RARB: variants seen among roughly 807,000 people sequenced by gnomAD.
RARB encodes retinoic acid receptor beta, also known as HBV-activated protein.
Under a neutral mutation model 51.9 loss-of-function variants are expected in RARB, and 17 were observed. That is an observed-to-expected ratio of 0.33 (90% CI 0.22 to 0.49). RARB has a LOEUF of 0.49. Among genes scored for constraint, RARB ranks in the 20% least tolerant of loss-of-function variants. The probability of loss-of-function intolerance (pLI) is 0.99; values close to 1 mark genes in which losing one functional copy is unlikely to be tolerated. For synonymous variants in RARB, 215 were observed against 195.4 expected, an observed-to-expected ratio of 1.10 and a Z score of -0.84; for missense variants, 369 against 550.8, an observed-to-expected ratio of 0.67 and a Z score of 3.30.
chr3:24,911,225 C>T (rs762032497), intron 2 of RARB, among the ~76,000 whole-genome samples: 1 of 152,096 alleles, frequency 6.6e-6, no homozygotes, highest in African/African-American at 2.4e-5. Context: ...AGCTGTAGTA[C>T]TCAGTAAAAG....
chr3:25,170,918 T>A (rs1700633521), intron 4 of RARB, among the ~76,000 whole-genome samples: 1 of 152,220 alleles, frequency 6.6e-6, no homozygotes, highest in African/African-American at 2.4e-5. Context: ...TTCAAGTGGT[T>A]GACCAATCAT....
intron 1 of RARB, among the ~76,000 whole-genome samples, chr3:25,431,836 A>C (rs1040613193): frequency 6.6e-6 from 1 of 152,186 alleles, no homozygotes; most frequent in Non-Finnish European, 1.5e-5. Context: ...GAATGAGAAA[A>C]GGCCTCTTTT....
intron 4 of RARB, among the ~76,000 whole-genome samples, chr3:25,168,009 T>A (rs1010258969): frequency 2.0e-5 from 3 of 152,186 alleles, no homozygotes; most frequent in South Asian, 2.1e-4. Context: ...TTTTATGAAA[T>A]TCACTCATTT....
chr3:25,127,463 G>A (rs1484598097), intron 3 of RARB, among the ~76,000 whole-genome samples: 1 of 152,150 alleles, frequency 6.6e-6, no homozygotes, highest in Non-Finnish European at 1.5e-5. Context: ...AATTAGCTGT[G>A]TCCCAATTTT....
At chr3:25,499,127 C>T (rs1051814512) in intron 2 of RARB, among the ~76,000 whole-genome samples, 1 of 152,050 alleles carries the variant, frequency 6.6e-6, no homozygotes, top group African/African-American at 2.4e-5. Context: ...CATTAAAATC[C>T]TAGGGTGCCC....
chr3:25,360,766 C>T lies in RARB; in HGVS notation c.179-100427C>T, dbSNP rs1705907234. 2.0e-5 allele frequency among the ~76,000 whole-genome samples: 3 copies of T among 152,108 alleles called. 1 individual carries two copies. Among genetic ancestry groups the T allele is most frequent in the Non-Finnish European group, 2.9e-5 (2 of 68,030 alleles). ...TTAGTTTGGCTGGATATGAAACTCT[C>T]AGTTGAAAATTCTTTTTTTAAGAAG... On this transcript the variant is annotated intron_variant, in intron 5 of 11. Transcript: ENST00000383772.
chr3:25,575,682 AT>A (rs760915141), intron 4 of RARB, among the ~76,000 whole-genome samples: 7 of 150,956 alleles, frequency 4.6e-5, no homozygotes, highest in Non-Finnish European at 7.4e-5. Context: ...AGATTTCCAC[AT>A]TTTTTTTTAT....
At chr3:25,574,628 G>A (rs1700849297) in intron 4 of RARB, among the ~76,000 whole-genome samples, 1 of 152,188 alleles carries the variant, frequency 6.6e-6, no homozygotes, top group South Asian at 2.1e-4. Flanking sequence ...GTGGGGCCTG[G>A]CGGGAGGTAA....
chr3:25,091,488 G>A (rs895049712), intron 3 of RARB, among the ~76,000 whole-genome samples: 6 of 152,140 alleles, frequency 3.9e-5, no homozygotes, highest in Admixed American at 1.3e-4. Context: ...TGGACAGCTC[G>A]TTGCTTTATG....
At chr3:25,217,088 A>G (rs1053264016) in intron 5 of RARB, among the ~76,000 whole-genome samples, 1 of 152,156 alleles carries the variant, frequency 6.6e-6, no homozygotes, top group African/African-American at 2.4e-5. Context: ...TTGATTCTCA[A>G]TCCTTCCTTC....
At chr3:25,029,266 C>CT (rs1172307751) in intron 2 of RARB, among the ~76,000 whole-genome samples, 1 of 152,184 alleles carries the variant, frequency 6.6e-6, no homozygotes, top group African/African-American at 2.4e-5. Flanking sequence ...TCACCCAGGA[C>CT]TTTTGCTGCT....
chr3:25,297,857 T>G (rs1375545416), intron 5 of RARB, among the ~76,000 whole-genome samples: 1 of 152,190 alleles, frequency 6.6e-6, no homozygotes, highest in African/African-American at 2.4e-5. Flanking sequence ...TTTAGAGGCT[T>G]TTTGAAATGA....
chr3:25,005,762 C>G (rs927878367), intron 2 of RARB, among the ~76,000 whole-genome samples: 13 of 152,130 alleles, frequency 8.5e-5, no homozygotes, highest in African/African-American at 3.1e-4. Flanking sequence ...CTACGCTCCT[C>G]CTGGTCTTGT....
chr3:25,259,988 T>C lies in RARB; in HGVS notation c.178+85413T>C, dbSNP rs930105251. The C allele has an allele frequency of 1.2e-5, 12 of 985,354 alleles. No individual in the cohort carries two copies. The African/African-American group carries it at 1.9e-4, about 16-fold the overall frequency. 61.0% of individuals were successfully genotyped at this position (985,354 alleles called of 1,614,324 possible). ...TGGAGCCAACTTCTCAGCCAGCCTT[T>C]TACTCTCCTCAGTTTGTTTTTGAAA... On this transcript the variant is annotated intron_variant, in intron 5 of 11. Transcript: ENST00000383772.
At chr3:25,006,112 T>C in intron 2 of RARB, among the ~76,000 whole-genome samples, 1 of 152,126 alleles carries the variant, frequency 6.6e-6, no homozygotes. Flanking sequence ...TACTCAAATG[T>C]TGTATTATCA....
chr3:25,328,249 G>A (rs946254315), intron 5 of RARB, among the ~76,000 whole-genome samples: 2 of 152,248 alleles, frequency 1.3e-5, no homozygotes, highest in African/African-American at 4.8e-5. Flanking sequence ...GCCGGGTGCA[G>A]TGGCTTACGC....
intron 4 of RARB, among the ~76,000 whole-genome samples, chr3:25,133,084 T>G (rs1209090015): frequency 6.6e-6 from 1 of 151,992 alleles, no homozygotes; most frequent in Non-Finnish European, 1.5e-5. Context: ...GAGTTTTCAT[T>G]CTTAATGTTG....
Position 25,576,478 on chromosome 3 carries a change from C to T in RARB, c.610-4068C>T, listed in dbSNP as rs549437492. Among the ~76,000 whole-genome samples, 242 of 152,286 alleles carry T rather than the reference C, an allele frequency of 1.6e-3. 1 individual carries two copies. In the Middle Eastern group the frequency reaches 0.024, roughly 15 times the overall value. On this transcript the variant is annotated intron_variant, in intron 4 of 7. Coordinates refer to ENST00000330688, the MANE Select transcript of RARB (RefSeq NM_000965.5). Reference sequence around the variant, plus strand: ...ATACCCACCACCCCACCCCTGCACTCGACCAAGGCCCCAGATCTCTGAACC... The same window carrying T: ...ATACCCACCACCCCACCCCTGCACTTGACCAAGGCCCCAGATCTCTGAACC...
chr3:25,478,435 A>G (rs933483578), intron 2 of RARB, among the ~76,000 whole-genome samples: 1 of 152,216 alleles, frequency 6.6e-6, no homozygotes, highest in African/African-American at 2.4e-5. Flanking sequence ...AAAAATATGC[A>G]TCTCTGTGCC....
Sources: gnomAD v4.1 joint callset for allele counts (sites outside exome capture counted in the v4.1 genomes callset) on GRCh38, gnomAD v4.1.1 for gene constraint, MANE v1.5 for transcripts, NCBI Gene and HGNC (gene_info 2026-07-23, HGNC 2026-07-21) for gene names.